Variants in AGBL4 observed in about 807,000 individuals in gnomAD.
AGBL4 encodes cytosolic carboxypeptidase 6.
A neutral mutation model predicts 66.4 loss-of-function variants in AGBL4; 58 were observed. The ratio of observed to expected loss-of-function variants is 0.87; its 90% CI spans 0.71 to 1.09. The LOEUF (loss-of-function observed/expected upper bound fraction) is 1.09. AGBL4 is among the 50% of genes least tolerant of loss of function. AGBL4 has a pLI of 0.00. For missense variants in AGBL4, 579 were observed against 631.0 expected (o/e 0.92, Z 0.88); for synonymous variants, 234 against 222.9 (o/e 1.05, Z -0.44).
chr1:48,611,894 C>G (rs1645244835), intron 9 of AGBL4, among the ~76,000 whole-genome samples: 1 of 152,158 alleles, frequency 6.6e-6, no homozygotes, highest in Admixed American at 6.5e-5. Context: ...AACAAAAACT[C>G]AAGATAAAAA....
At chr1:49,939,611 C>T (rs1381443652) in intron 1 of AGBL4, among the ~76,000 whole-genome samples, 1 of 152,116 alleles carries the variant, frequency 6.6e-6, no homozygotes, top group African/African-American at 2.4e-5. Context: ...GAAAGGATTC[C>T]CTATTTAATA....
intron 3 of AGBL4, among the ~76,000 whole-genome samples, chr1:49,573,221 T>C (rs1644369361): frequency 6.7e-6 from 1 of 150,196 alleles, no homozygotes; most frequent in Non-Finnish European, 1.5e-5. Flanking sequence ...TAGACAACCC[T>C]GACTAATGCA....
chr1:49,878,232 G>A (rs553023532), intron 1 of AGBL4, among the ~76,000 whole-genome samples: 51 of 148,498 alleles, frequency 3.4e-4, no homozygotes, highest in African/African-American at 1.3e-3. Flanking sequence ...TGCTTTTCTA[G>A]TTCTTTTAAT....
chr1:49,920,238 T>C lies in AGBL4; in HGVS notation c.35-68720A>G, dbSNP rs1259714239. 6.6e-5 allele frequency among the ~76,000 whole-genome samples: 10 copies of C among 152,208 alleles called. No homozygotes were observed. The South Asian group carries it at 8.3e-4, about 13-fold the overall frequency. ...GGCAACAAAAGCCAAAATTGACAAA[T>C]GGGATCTAATTAAACTAAAGAGCTT... On this transcript the variant is annotated intron_variant, in intron 1 of 13. Transcript: ENST00000371839.
chr1:48,631,547 C>T (rs1485113995), intron 9 of AGBL4, among the ~76,000 whole-genome samples: 1 of 152,142 alleles, frequency 6.6e-6, no homozygotes, highest in Non-Finnish European at 1.5e-5. Context: ...TGTGCCACCA[C>T]ACCTGGCTAA....
At chr1:48,713,860 T>C (rs1647005402) in intron 6 of AGBL4, among the ~76,000 whole-genome samples, 2 of 152,176 alleles carry the variant, frequency 1.3e-5, no homozygotes, top group Non-Finnish European at 2.9e-5. Flanking sequence ...TGAGTTTACT[T>C]ACATCCCTTT....
chr1:49,581,618 G>A (rs576299742), intron 3 of AGBL4, among the ~76,000 whole-genome samples: 13 of 152,260 alleles, frequency 8.5e-5, no homozygotes, highest in African/African-American at 2.2e-4. Flanking sequence ...CATTAGTGGC[G>A]TCTGTGGATT....
At chr1:49,287,089 C>G (rs1463751459) in intron 3 of AGBL4, among the ~76,000 whole-genome samples, 26 of 144,578 alleles carry the variant, frequency 1.8e-4, no homozygotes, top group African/African-American at 6.1e-4. Context: ...CTTTGACAAA[C>G]CTGAGAAAAA....
chr1:48,662,659 T>A (rs1166402028), intron 7 of AGBL4, among the ~76,000 whole-genome samples: 2 of 152,230 alleles, frequency 1.3e-5, no homozygotes, highest in African/African-American at 2.4e-5. Flanking sequence ...TGCCTCTGGT[T>A]GTCTGATGCC....
chr1:49,358,597 GAA>G (rs2148531818), intron 3 of AGBL4, among the ~76,000 whole-genome samples: 1 of 152,118 alleles, frequency 6.6e-6, no homozygotes, highest in South Asian at 2.1e-4. Context: ...TTACTAACAA[GAA>G]ATCATTTTCC....
chr1:49,657,723 T>A lies in AGBL4; in HGVS notation c.282+39590A>T, dbSNP rs12036983. Among the ~76,000 whole-genome samples the A allele has an allele frequency of 8.0e-3, 1,221 of 152,278 alleles. 9 individuals are homozygous for A. The highest frequency in any genetic ancestry group is 0.031 in the Middle Eastern group (9 of 294). ...ATACCACACATCTACAACTATCTGATCTTTGACAAACCTGACAAAGACAAG... is the reference window on the plus strand; with the variant it reads ...ATACCACACATCTACAACTATCTGAACTTTGACAAACCTGACAAAGACAAG... On this transcript the variant is annotated intron_variant, in intron 3 of 13. Coordinates refer to ENST00000371839, the MANE Select transcript of AGBL4 (RefSeq NM_032785.4).
At chr1:49,041,800 C>T (rs1337719042) in intron 5 of AGBL4, among the ~76,000 whole-genome samples, 1 of 152,218 alleles carries the variant, frequency 6.6e-6, no homozygotes, top group Admixed American at 6.5e-5. Flanking sequence ...CCCGAATCTT[C>T]TTGTCTAGCC....
intron 6 of AGBL4, among the ~76,000 whole-genome samples, chr1:48,853,760 G>C (rs1301045329): frequency 4.6e-5 from 7 of 152,096 alleles, no homozygotes; most frequent in Non-Finnish European, 1.0e-4. Flanking sequence ...GGCTGGGCTA[G>C]GTTGACTATA....
intron 6 of AGBL4, among the ~76,000 whole-genome samples, chr1:48,766,668 C>A (rs1490737544): frequency 6.6e-6 from 1 of 152,176 alleles, no homozygotes; most frequent in Non-Finnish European, 1.5e-5. Context: ...GATTCACATG[C>A]CTCTTGACCT....
chr1:50,009,676 G>GA (rs772368968), intron 1 of AGBL4, among the ~76,000 whole-genome samples: 219 of 131,870 alleles, frequency 1.7e-3, no homozygotes, highest in South Asian at 3.4e-3. Context: ...AATCAGACAT[G>GA]AAAAAAAAAA....
At chr1:48,632,963 A>G (rs1323169443) in intron 9 of AGBL4, among the ~76,000 whole-genome samples, 1 of 152,220 alleles carries the variant, frequency 6.6e-6, no homozygotes, top group Non-Finnish European at 1.5e-5. Flanking sequence ...CTAGGAGAAG[A>G]CAGTGGGGTT....
At chr1:49,967,788 C>T (rs748621805) in intron 1 of AGBL4, among the ~76,000 whole-genome samples, 14 of 152,046 alleles carry the variant, frequency 9.2e-5, no homozygotes, top group Admixed American at 2.0e-4. Flanking sequence ...ATCTTGGTTT[C>T]GGTTTAAATT....
chr1:49,226,838 A>G (rs182503108), intron 4 of AGBL4, among the ~76,000 whole-genome samples: 1 of 152,344 alleles, frequency 6.6e-6, no homozygotes, highest in Admixed American at 6.5e-5. Flanking sequence ...ACAAAATATC[A>G]TAAGCTAACT....
intron 3 of AGBL4, among the ~76,000 whole-genome samples, chr1:49,614,741 T>C (rs1396008483): frequency 6.6e-6 from 1 of 152,180 alleles, no homozygotes; most frequent in Non-Finnish European, 1.5e-5. Context: ...TTTGGAAGCA[T>C]TTCCTGATCA....
Sources: gnomAD v4.1 joint callset for allele counts (sites outside exome capture counted in the v4.1 genomes callset) on GRCh38, gnomAD v4.1.1 for gene constraint, MANE v1.5 for transcripts, NCBI Gene and HGNC (gene_info 2026-07-23, HGNC 2026-07-21) for gene names.